Variants in MIPOL1 observed in about 807,000 individuals in gnomAD.
The protein encoded by MIPOL1 is mirror-image polydactyly 1.
A neutral mutation model predicts 60.9 loss-of-function variants in MIPOL1; 57 were observed. The ratio of observed to expected loss-of-function variants is 0.94; its 90% CI spans 0.76 to 1.17. MIPOL1 has a LOEUF of 1.17. Ranked by LOEUF, MIPOL1 falls within the 50% of genes most tolerant of loss-of-function variation. MIPOL1 has a pLI of 0.00. For synonymous variants in MIPOL1, 179 were observed against 168.8 expected (o/e 1.06, Z -0.47); for missense variants, 551 against 511.6 (o/e 1.08, Z -0.74).
intron 12 of MIPOL1, among the ~76,000 whole-genome samples, chr14:37,519,561 T>G (rs1340099161): frequency 1.3e-5 from 2 of 152,036 alleles, no homozygotes; most frequent in East Asian, 3.9e-4. Flanking sequence ...CTTGATTACT[T>G]TTTTTTACAT....
chr14:37,473,841 TAG>T (rs1464442879), intron 11 of MIPOL1, among the ~76,000 whole-genome samples: 3 of 149,444 alleles, frequency 2.0e-5, no homozygotes, highest in Non-Finnish European at 4.4e-5. Context: ...TACAGTATCA[TAG>T]AGAGTTTCAC....
chr14:37,382,078 T>G (rs1253400240), intron 10 of MIPOL1, among the ~76,000 whole-genome samples: 4 of 152,094 alleles, frequency 2.6e-5, no homozygotes, highest in South Asian at 2.1e-4. Flanking sequence ...GCTTTCTTGG[T>G]ATTTTAGGGG....
rs192937374 is a variant in MIPOL1, at chr14:37,339,501, A to G, written c.829-30016A>G. Among the ~76,000 whole-genome samples, 255 of 152,324 alleles carry G rather than the reference A, an allele frequency of 1.7e-3. 1 individual carries two copies. The highest frequency in any genetic ancestry group is 5.8e-3 in the African/African-American group (241 of 41,590). The stretch of plus-strand genomic sequence containing the variant: ...TATAGATATGCTGTAAGACATTTAA[A>G]GGATGTTTGTAGGAGCTGATTTATA... On this transcript the variant is annotated intron_variant, in intron 9 of 12. Transcript: ENST00000684589.
chr14:37,464,211 A>G (rs1335890004), intron 11 of MIPOL1, among the ~76,000 whole-genome samples: 1 of 151,458 alleles, frequency 6.6e-6, no homozygotes. Context: ...TTCTCAAAGA[A>G]ATAAAAATGG....
In MIPOL1 at chr14:37,337,886, A is replaced by T. The variant is rs542465478; in HGVS notation, c.828+29367A>T. Among the ~76,000 whole-genome samples, 7 of 152,022 alleles carry T rather than the reference A, an allele frequency of 4.6e-5. No homozygotes were observed. In the South Asian group the frequency reaches 1.5e-3, roughly 32 times the overall value. ...TGCAGCACAGAAGTTTTTTATTTTG[A>T]TAAAATCCAATTTATTTTTTCTTCA... is the stretch of plus-strand genomic sequence containing the variant. On this transcript the variant is annotated intron_variant, in intron 9 of 12. Transcript: ENST00000684589.
intron 9 of MIPOL1, among the ~76,000 whole-genome samples, chr14:37,341,509 G>T (rs1182625978): frequency 1.3e-5 from 2 of 152,200 alleles, no homozygotes; most frequent in Admixed American, 6.5e-5. Flanking sequence ...ATATCAGCTA[G>T]TTCCTTTTTT....
intron 1 of MIPOL1, among the ~76,000 whole-genome samples, chr14:37,236,274 T>C (rs1473491238): frequency 2.0e-5 from 3 of 152,016 alleles, no homozygotes; most frequent in Non-Finnish European, 4.4e-5. Flanking sequence ...TCATATGTCA[T>C]TGTGGTTTTA....
intron 9 of MIPOL1, among the ~76,000 whole-genome samples, chr14:37,361,585 G>T (rs1176317510): frequency 7.0e-6 from 1 of 143,500 alleles, no homozygotes; most frequent in Non-Finnish European, 1.5e-5. Flanking sequence ...TTATGTGATG[G>T]CCTTTTTTGT....
At chr14:37,225,363 A>G (rs1421549571) in intron 1 of MIPOL1, among the ~76,000 whole-genome samples, 1 of 152,130 alleles carries the variant, frequency 6.6e-6, no homozygotes, top group African/African-American at 2.4e-5. Flanking sequence ...CCTGCCGCAA[A>G]CTTCTGCCTG....
chr14:37,299,371 A>G (rs2086142139), intron 7 of MIPOL1, among the ~76,000 whole-genome samples: 2 of 152,126 alleles, frequency 1.3e-5, no homozygotes, highest in African/African-American at 4.8e-5. Flanking sequence ...GCACACCAAC[A>G]TGGCACATGT....
chr14:37,495,761 T>C (rs2095117423), intron 11 of MIPOL1, among the ~76,000 whole-genome samples: 1 of 150,974 alleles, frequency 6.6e-6, no homozygotes, highest in Non-Finnish European at 1.5e-5. Context: ...TGTAAAAGTG[T>C]TCCTATTTCT....
intron 10 of MIPOL1, among the ~76,000 whole-genome samples, chr14:37,406,174 AC>A (rs1272461198): frequency 6.6e-6 from 1 of 152,100 alleles, no homozygotes; most frequent in Non-Finnish European, 1.5e-5. Context: ...ACTTGATTAA[AC>A]CTGCTTCACT....
At chr14:37,326,092 A>T (rs933318171) in intron 9 of MIPOL1, among the ~76,000 whole-genome samples, 2 of 152,206 alleles carry the variant, frequency 1.3e-5, no homozygotes, top group Admixed American at 6.5e-5. Flanking sequence ...TCTTGGGCCC[A>T]TGAATCCTGG....
chr14:37,462,854 A>T (rs2094555420), intron 11 of MIPOL1, among the ~76,000 whole-genome samples: 1 of 152,152 alleles, frequency 6.6e-6, no homozygotes, highest in African/African-American at 2.4e-5. Flanking sequence ...ATTTTTGTCC[A>T]AGCCCTTTAA....
At chr14:37,491,297 G>C (rs2095044324) in intron 11 of MIPOL1, among the ~76,000 whole-genome samples, 1 of 152,184 alleles carries the variant, frequency 6.6e-6, no homozygotes, top group African/African-American at 2.4e-5. Flanking sequence ...GAGAGGCCGA[G>C]GTAAGTGGAT....
intron 10 of MIPOL1, among the ~76,000 whole-genome samples, chr14:37,398,833 C>G (rs141012229): frequency 8.5e-5 from 13 of 152,096 alleles, no homozygotes; most frequent in Admixed American, 6.6e-5. Context: ...ATGTTATGTA[C>G]CCCAGAAAAG....
chr14:37,270,637 T>G (rs934461511), intron 6 of MIPOL1, 112 bp downstream of exon 6: 4 of 343,206 alleles, frequency 1.2e-5, no homozygotes, highest in Non-Finnish European at 1.9e-5. Context: ...GAGGGGAAGC[T>G]CTCCTTTTTT....
At chr14:37,210,640 A>G (rs1208913930) in intron 1 of MIPOL1, among the ~76,000 whole-genome samples, 1 of 151,988 alleles carries the variant, frequency 6.6e-6, no homozygotes, top group Non-Finnish European at 1.5e-5. Context: ...TGAAATAGGG[A>G]TATGGAGAAT....
intron 6 of MIPOL1, among the ~76,000 whole-genome samples, chr14:37,279,261 C>T (rs1260363517): frequency 2.7e-5 from 4 of 148,682 alleles, no homozygotes; most frequent in African/African-American, 5.0e-5. Flanking sequence ...GTATGACATA[C>T]GAGATGCAAT....
Sources: allele counts gnomAD v4.1 joint callset (sites outside exome capture counted in the v4.1 genomes callset), GRCh38; gene constraint gnomAD v4.1.1; transcripts MANE v1.5; gene names NCBI Gene and HGNC (gene_info 2026-07-23, HGNC 2026-07-21).